Variants in TNFRSF19 observed in about 807,000 individuals in gnomAD.
The protein encoded by TNFRSF19 is tumor necrosis factor receptor superfamily member 19.
In TNFRSF19, 27 loss-of-function variants were observed where a neutral mutation model predicts 46.4. That is an observed-to-expected ratio of 0.58 (90% CI 0.43 to 0.80). TNFRSF19 has a LOEUF of 0.80. TNFRSF19 is among the 30% of genes least tolerant of loss of function. The pLI is 0.00. For missense variants in TNFRSF19, 511 were observed against 530.8 expected (o/e 0.96, Z 0.37); for synonymous variants, 204 against 205.0 (o/e 1.00, Z 0.04).
intron 1 of TNFRSF19, among the ~76,000 whole-genome samples, chr13:23,583,487 C>T (rs909605258): frequency 6.6e-6 from 1 of 152,058 alleles, no homozygotes; most frequent in South Asian, 2.1e-4. Flanking sequence ...ATCTTCTAGT[C>T]CACATGTCAC....
At chr13:23,644,148 G>A (rs1883184733) in intron 5 of TNFRSF19, among the ~76,000 whole-genome samples, 1 of 152,202 alleles carries the variant, frequency 6.6e-6, no homozygotes, top group Non-Finnish European at 1.5e-5. Flanking sequence ...AAGCTCAGAA[G>A]TTCTGTATTT....
At position 23,660,508 on chromosome 13, in the gene TNFRSF19, G is replaced by C. The variant is rs1348088921; in HGVS notation, c.736+18G>C. 6.2e-7 allele frequency: 1 copy of C among 1,610,588 alleles called. No individual in the cohort carries two copies. The highest frequency in any genetic ancestry group is 1.1e-5 in the South Asian group (1 of 90,560). On this transcript the variant is annotated intron_variant, in intron 7 of 9. Transcript: ENST00000248484. ...GACCTGCGGTAAGTTCAGCAGGGAA[G>C]TGCCGTTAGGAGGACTGGAGGTACA...
At chr13:23,586,251 CCGTCTCA>C (rs1878823115) in intron 1 of TNFRSF19, among the ~76,000 whole-genome samples, 1 of 119,844 alleles carries the variant, frequency 8.3e-6, no homozygotes, top group Non-Finnish European at 1.7e-5. Context: ...GAGCGAGACT[CCGTCTCA>C]AAAAAAAAAA....
chr13:23,657,716 CAG>C (rs1884073785), intron 5 of TNFRSF19, among the ~76,000 whole-genome samples: 1 of 151,750 alleles, frequency 6.6e-6, no homozygotes, highest in Non-Finnish European at 1.5e-5. Flanking sequence ...TTTCTTGAGA[CAG>C]AGTCTCGCTC....
intron 5 of TNFRSF19, among the ~76,000 whole-genome samples, chr13:23,630,407 C>G (rs1246209774): frequency 6.6e-6 from 1 of 151,784 alleles, no homozygotes; most frequent in South Asian, 2.1e-4. Context: ...TCTCCCCTCT[C>G]TATCTGGATC....
chr13:23,647,525 C>T (rs1319615229), intron 5 of TNFRSF19, among the ~76,000 whole-genome samples: 1 of 152,154 alleles, frequency 6.6e-6, no homozygotes, highest in African/African-American at 2.4e-5. Flanking sequence ...GTCTCAGCCT[C>T]CCGAGTAGCT....
chr13:23,616,197 G>GACA (rs1881275751), intron 4 of TNFRSF19, 152 bp downstream of exon 4: 32 of 779,434 alleles, frequency 4.1e-5, no homozygotes, highest in Middle Eastern at 7.7e-4. Flanking sequence ...ATTAACCACT[G>GACA]GATTATCTGT....
chr13:23,657,212 C>T (rs12428914), intron 5 of TNFRSF19, among the ~76,000 whole-genome samples: 6,374 of 152,244 alleles, frequency 0.042, 194 homozygotes, highest in Admixed American at 0.094. Context: ...ATCACTGAGA[C>T]TGGAAATACC....
Position 23,653,930 on chromosome 13 carries a change from T to A in TNFRSF19, c.446-5120T>A, listed in dbSNP as rs76575278. ...GATCTATTGGAGTGTGCCTGGCAGC[T>A]GGTTCTGCAGGAGCTCACCTGCCCT... On this transcript the variant is annotated intron_variant, in intron 5 of 9. Coordinates refer to ENST00000248484, the MANE Select transcript of TNFRSF19 (RefSeq NM_148957.4). Among the ~76,000 whole-genome samples the A allele has an allele frequency of 7.3e-3, 1,118 of 152,278 alleles. 14 individuals carry two copies. The highest frequency in any genetic ancestry group is 0.025 in the African/African-American group (1,051 of 41,568).
At chr13:23,658,395 A>G (rs1884122661) in intron 5 of TNFRSF19, among the ~76,000 whole-genome samples, 1 of 152,212 alleles carries the variant, frequency 6.6e-6, no homozygotes, top group Non-Finnish European at 1.5e-5. Flanking sequence ...TGAACCACAA[A>G]GCAGTACTGC....
chr13:23,625,618 G>A (rs185793131), intron 4 of TNFRSF19, among the ~76,000 whole-genome samples: 16 of 152,164 alleles, frequency 1.1e-4, no homozygotes, highest in Admixed American at 2.0e-4. Context: ...GTGAGCCCCC[G>A]CGCCCGGCCT....
chr13:23,597,691 C>T (rs961850448), intron 3 of TNFRSF19, among the ~76,000 whole-genome samples: 4 of 152,168 alleles, frequency 2.6e-5, no homozygotes, highest in Non-Finnish European at 5.9e-5. Flanking sequence ...GGTACCATTC[C>T]TTCTGAAATT....
At position 23,630,391 on chromosome 13, in the gene TNFRSF19, CCA is replaced by C. The variant is rs1347262581; in HGVS notation, c.445+3600_445+3601del. ...GAAGGCTGAAGAGACCCGAATTAGGCCAGTCTCTCCCCTCTCTATCTGGATCT... is the reference window on the plus strand; with the variant it reads ...GAAGGCTGAAGAGACCCGAATTAGGCGTCTCTCCCCTCTCTATCTGGATCT... On this transcript the variant is annotated intron_variant, in intron 5 of 9. Transcript: ENST00000248484. 3.9e-5 allele frequency among the ~76,000 whole-genome samples: 6 copies of C among 151,980 alleles called. No homozygotes were observed. In the East Asian group the frequency reaches 1.2e-3, roughly 29 times the overall value.
At chr13:23,668,649 T>C in intron 8 of TNFRSF19, 43 bp from the exon 9 acceptor site, 1 of 1,558,942 alleles carries the variant, frequency 6.4e-7, no homozygotes, top group Non-Finnish European at 8.7e-7. Context: ...GTAGTGTTTT[T>C]CTCCCCATCA....
intron 4 of TNFRSF19, among the ~76,000 whole-genome samples, chr13:23,623,448 C>G (rs563619481): frequency 7.9e-5 from 12 of 152,216 alleles, no homozygotes; most frequent in Non-Finnish European, 1.2e-4. Flanking sequence ...GATTTGAGTT[C>G]TTTTAGATAT....
At chr13:23,629,773 G>T (rs1316535060) in intron 5 of TNFRSF19, among the ~76,000 whole-genome samples, 1 of 152,230 alleles carries the variant, frequency 6.6e-6, no homozygotes, top group Non-Finnish European at 1.5e-5. Context: ...GGCAAGCTCA[G>T]TAATGACTGT....
intron 5 of TNFRSF19, among the ~76,000 whole-genome samples, chr13:23,636,380 G>C (rs1031418407): frequency 3.9e-5 from 6 of 152,120 alleles, no homozygotes; most frequent in Non-Finnish European, 8.8e-5. Context: ...GTCTGTTTTG[G>C]GTGCAGAATG....
Position 23,659,074 on chromosome 13 carries a change from A to C in TNFRSF19, c.470A>C (p.Lys157Thr), listed in dbSNP as rs1191714318. The C allele has an allele frequency of 1.1e-5, 17 of 1,613,834 alleles. No individual in the cohort carries two copies. Among genetic ancestry groups the C allele is most frequent in the Non-Finnish European group, 1.4e-5 (16 of 1,180,038 alleles). Residue 157 changes from lysine (K) to threonine (T), a missense_variant, in exon 6 of 10, where the codon AAG becomes ACG. Transcript: ENST00000248484. This position sits in a 1 kb window ranked among gnomAD's most constrained non-coding sequence, Gnocchi z 4.9. ...PHCASKVNLV[K>T]IASTASSPRD... is the part of the protein sequence containing the mutation. ...GGTGCCAGCAAGGTCAACCTCGTGA[A>C]GATCGCGTCCACGGCCTCCAGCCCA...
intron 7 of TNFRSF19, among the ~76,000 whole-genome samples, chr13:23,662,407 CA>C (rs1884428642): frequency 6.6e-6 from 1 of 152,120 alleles, no homozygotes; most frequent in African/African-American, 2.4e-5. Flanking sequence ...GTACTAGTAC[CA>C]TGCTGTTTTG....
Sources: allele counts gnomAD v4.1 joint callset (sites outside exome capture counted in the v4.1 genomes callset), GRCh38; gene constraint gnomAD v4.1.1; non-coding constraint Gnocchi (gnomAD v3.1); transcripts MANE v1.5; gene names NCBI Gene and HGNC (gene_info 2026-07-23, HGNC 2026-07-21).